The following ADGRA2 variants were observed in gnomAD, a reference collection of about 807,000 sequenced individuals.
The protein encoded by ADGRA2 is G-protein coupled receptor 124.
ADGRA2 carries 61 observed loss-of-function variants against 98.7 expected under a neutral mutation model. The ratio of observed to expected loss-of-function variants is 0.62; its 90% confidence interval spans 0.50 to 0.76. ADGRA2 has a LOEUF of 0.76. ADGRA2 is among the 30% of genes least tolerant of loss of function. The pLI is 0.00. For synonymous variants in ADGRA2, 858 were observed against 831.5 expected, an observed-to-expected ratio of 1.03 and a Z score of -0.55; for missense variants, 1,712 against 1,860.0, an observed-to-expected ratio of 0.92 and a Z score of 1.46.
At chr8:37,822,788 C>T (rs1172915933) in intron 2 of ADGRA2, among the ~76,000 whole-genome samples, 1 of 152,108 alleles carries the variant, frequency 6.6e-6, no homozygotes, top group African/African-American at 2.4e-5. Flanking sequence ...TGTTATAGCA[C>T]GTATCAGCAC....
intron 1 of ADGRA2, among the ~76,000 whole-genome samples, chr8:37,799,073 C>G (rs925261584): frequency 1.3e-5 from 2 of 152,204 alleles, no homozygotes; most frequent in African/African-American, 4.8e-5. Flanking sequence ...TGAGTCCCAG[C>G]TGCATAAGAA....
chr8:37,841,617 T>C lies in ADGRA2; in HGVS notation c.3279T>C (p.His1093=). 1 of 1,545,914 alleles carries C rather than the reference T, an allele frequency of 6.5e-7. No individual in the cohort carries two copies. Among genetic ancestry groups the C allele is most frequent in the Non-Finnish European group, 8.7e-7 (1 of 1,145,542 alleles). The part of the protein sequence containing the change: ...CCPPASPAAP[H]APPRALPAAA... ...CCCCTGCCTCTCCCGCGGCCCCCCA[T>C]GCCCCGCCCCGGGCCCTGCCCGCCG... Residue 1093 remains histidine (H), a synonymous_variant, in exon 19 of 19, where the codon CAT becomes CAC. Transcript: ENST00000412232. This position sits in a 1 kb window ranked among gnomAD's most constrained non-coding sequence, Gnocchi z 5.0.
At chr8:37,824,251 G>A (rs942701681) in intron 2 of ADGRA2, among the ~76,000 whole-genome samples, 6 of 151,824 alleles carry the variant, frequency 4.0e-5, no homozygotes, top group East Asian at 1.9e-4. Context: ...GGCTGGTCTC[G>A]AACTCCTGAC....
At chr8:37,838,839 T>C (rs1805697095) in intron 14 of ADGRA2, 117 bp from the exon 15 acceptor site, 2 of 1,256,242 alleles carry the variant, frequency 1.6e-6, no homozygotes, top group Non-Finnish European at 2.2e-6. Context: ...CCTGCCCAGA[T>C]GAACTAAGCA....
chr8:37,838,799 C>A (rs1323266918), intron 14 of ADGRA2, among the ~76,000 whole-genome samples, 157 bp from the exon 15 acceptor site: 1 of 152,134 alleles, frequency 6.6e-6, no homozygotes, highest in African/African-American at 2.4e-5. Flanking sequence ...GGGCTGGCTT[C>A]CTAAGAGTGG....
intron 1 of ADGRA2, among the ~76,000 whole-genome samples, chr8:37,804,128 C>CACACACACAT (rs71216630): frequency 0.067 from 10,058 of 149,174 alleles, 497 homozygotes; most frequent in Middle Eastern, 0.16. Context: ...CACACACACA[C>CACACACACAT]ACACACACAC....
intron 2 of ADGRA2, among the ~76,000 whole-genome samples, chr8:37,821,603 C>T (rs1181480645): frequency 6.6e-6 from 1 of 152,190 alleles, no homozygotes; most frequent in Non-Finnish European, 1.5e-5. Flanking sequence ...GGGACCAAGC[C>T]GGCCAGGGCA....
chr8:37,841,052 CCT>C lies in ADGRA2; in HGVS notation c.2748-33_2748-32del. The C allele has an allele frequency of 6.4e-7, 1 of 1,567,784 alleles. No individual in the cohort carries two copies. The highest frequency in any genetic ancestry group is 1.2e-5 in the South Asian group (1 of 83,870). On this transcript the variant is annotated intron_variant, in intron 18 of 18. Coordinates refer to ENST00000412232, the MANE Select transcript of ADGRA2 (RefSeq NM_032777.10). This position sits in a 1 kb window ranked among gnomAD's most constrained non-coding sequence, Gnocchi z 5.0. The stretch of plus-strand genomic sequence containing the variant: ...CCCCAGCCCCACCCCAGCCATGCCC[CCT>C]GTCCTCATCACTGCTTCTGTGTCTC...
intron 1 of ADGRA2, among the ~76,000 whole-genome samples, chr8:37,811,169 T>C: frequency 1.5e-5 from 1 of 65,616 alleles, no homozygotes; most frequent in Middle Eastern, 8.1e-3. Context: ...TGTGTGTGTG[T>C]TTTTTTTTTT....
chr8:37,808,173 G>A (rs1440212046), intron 1 of ADGRA2, among the ~76,000 whole-genome samples: 1 of 152,206 alleles, frequency 6.6e-6, no homozygotes, highest in Admixed American at 6.5e-5. Context: ...CTGAAGTAGA[G>A]AACAGGAGAC....
rs1805904164 is a variant in ADGRA2, at chr8:37,844,230, G to C, written c.*1875G>C. The C allele has an allele frequency of 2.0e-6, 1 of 489,798 alleles. No homozygotes were observed. The highest frequency in any genetic ancestry group is 1.9e-5 in the African/African-American group (1 of 52,252). 30.3% of individuals were successfully genotyped at this position (489,798 alleles called of 1,614,324 possible). ...GCCTGACATTTTCCCATCCATCTAT[G>C]AGGAAAGCCATCTCACAGAACATGG... On this transcript the variant is annotated 3_prime_UTR_variant, in exon 19 of 19. Coordinates refer to ENST00000412232, the MANE Select transcript of ADGRA2 (RefSeq NM_032777.10).
chr8:37,827,129 C>A (rs1031219963), intron 2 of ADGRA2, among the ~76,000 whole-genome samples: 1 of 152,254 alleles, frequency 6.6e-6, no homozygotes, highest in Non-Finnish European at 1.5e-5. Context: ...GGGAGGCCCA[C>A]TGGGCTGTGA....
rs780832243 is a variant in ADGRA2 at position 37,844,879 on chromosome 8, G to A, written c.*2524G>A. ...TCACCGATGTGCTTCACCACAGACC[G>A]TTTGTCAAGTCTCAGAACTCGTAAC... is the stretch of plus-strand genomic sequence containing the variant. On this transcript the variant is annotated 3_prime_UTR_variant, in exon 19 of 19. Transcript: ENST00000412232. 110 of 1,614,072 alleles carry A rather than the reference G, an allele frequency of 6.8e-5. No individual in the cohort carries two copies. In the South Asian group the frequency reaches 9.2e-4, roughly 14 times the overall value.
chr8:37,812,290 C>T (rs1804856806), intron 1 of ADGRA2, among the ~76,000 whole-genome samples: 1 of 151,994 alleles, frequency 6.6e-6, no homozygotes, highest in South Asian at 2.1e-4. Context: ...TACCTCTGCC[C>T]CACGCTGGGC....
Position 37,797,674 on chromosome 8 carries a change from G to A in ADGRA2, c.266+140G>A, listed in dbSNP as rs1018474374. ...GGACAGGCCTGGGTTCAGGCCCCCA[G>A]AGGGGAAGATTGGAGGAGCAGGGGA... On this transcript the variant is annotated intron_variant, in intron 1 of 18. Coordinates refer to ENST00000412232, the MANE Select transcript of ADGRA2 (RefSeq NM_032777.10). The surrounding 1 kb of genome is among the most constrained non-coding windows in gnomAD (Gnocchi z 5.3). 2.4e-6 allele frequency: 2 copies of A among 848,254 alleles called. No individual in the cohort carries two copies. The highest frequency in any genetic ancestry group is 3.5e-5 in the African/African-American group (2 of 56,724). 52.5% of individuals were successfully genotyped at this position (848,254 alleles called of 1,614,324 possible).
chr8:37,831,754 T>C (rs1805461005), intron 8 of ADGRA2, among the ~76,000 whole-genome samples, 167 bp downstream of exon 8: 1 of 152,230 alleles, frequency 6.6e-6, no homozygotes, highest in Non-Finnish European at 1.5e-5. Flanking sequence ...ATCGAATAGA[T>C]AGACTTTATG....
intron 2 of ADGRA2, among the ~76,000 whole-genome samples, chr8:37,817,568 G>A (rs1805016021): frequency 6.6e-6 from 1 of 152,084 alleles, no homozygotes; most frequent in Non-Finnish European, 1.5e-5. Context: ...AATTAGCCAG[G>A]CACAGTGGTA....
rs747043849 is a variant in ADGRA2 at position 37,844,623 on chromosome 8, G to C, written c.*2268G>C. On this transcript the variant is annotated 3_prime_UTR_variant, in exon 19 of 19. Transcript: ENST00000412232. ...AATGTTCTCATCTCCAGTGACAGTG[G>C]AGACAGGGGGTACAGGGCAGATCCG... 9.9e-6 allele frequency: 16 copies of C among 1,614,020 alleles called. No individual in the cohort carries two copies. Among genetic ancestry groups the C allele is most frequent in the Non-Finnish European group, 1.0e-5 (12 of 1,180,034 alleles).
chr8:37,815,111 C>G (rs1804940345), intron 2 of ADGRA2, 144 bp downstream of exon 2: 1 of 645,034 alleles, frequency 1.6e-6, no homozygotes, highest in Admixed American at 2.5e-5. Flanking sequence ...CACTGGGACC[C>G]TGCCCAGGGC....
Sources: gnomAD v4.1 joint callset for allele counts (sites outside exome capture counted in the v4.1 genomes callset) on GRCh38, gnomAD v4.1.1 for gene constraint, Gnocchi (gnomAD v3.1) non-coding constraint, MANE v1.5 for transcripts, NCBI Gene and HGNC (gene_info 2026-07-23, HGNC 2026-07-21) for gene names.